Variants in NAALADL2 observed in about 807,000 individuals in gnomAD.
NAALADL2 encodes the protein inactive N-acetylated-alpha-linked acidic dipeptidase-like protein 2.
In NAALADL2, 76 loss-of-function variants were observed where a neutral mutation model predicts 87.2. The observed-to-expected ratio is 0.87, with a 90% CI of 0.72 to 1.05. NAALADL2 has a LOEUF of 1.05. Among genes scored for constraint, NAALADL2 ranks in the 50% least tolerant of loss-of-function variants. NAALADL2 has a pLI of 0.00. For missense variants in NAALADL2, 1,089 were observed against 945.8 expected, an observed-to-expected ratio of 1.15 and a Z score of -1.99; for synonymous variants, 354 against 331.0, an observed-to-expected ratio of 1.07 and a Z score of -0.75.
chr3:174,832,658 G>C (rs1057422295), intron 3 of NAALADL2, among the ~76,000 whole-genome samples: 1 of 152,118 alleles, frequency 6.6e-6, no homozygotes, highest in East Asian at 1.9e-4. Flanking sequence ...AGTAGAGACA[G>C]GGTTTCACCG....
At chr3:174,669,402 A>G (rs1726304280) in intron 2 of NAALADL2, among the ~76,000 whole-genome samples, 1 of 152,090 alleles carries the variant, frequency 6.6e-6, no homozygotes, top group Non-Finnish European at 1.5e-5. Context: ...TAATCCATTT[A>G]GAGTCCAATT....
chr3:174,668,109 A>G (rs2108794718), intron 2 of NAALADL2, among the ~76,000 whole-genome samples: 1 of 152,132 alleles, frequency 6.6e-6, no homozygotes, highest in South Asian at 2.1e-4. Context: ...GCATTTCTGT[A>G]ATGATTAGTA....
chr3:174,825,530 C>G (rs944586059), intron 3 of NAALADL2, among the ~76,000 whole-genome samples: 1 of 152,160 alleles, frequency 6.6e-6, no homozygotes, highest in Non-Finnish European at 1.5e-5. Flanking sequence ...TGTACTGATA[C>G]AAATGCCAGT....
intron 3 of NAALADL2, among the ~76,000 whole-genome samples, chr3:174,831,842 T>C (rs1722737858): frequency 6.6e-6 from 1 of 150,496 alleles, no homozygotes; most frequent in Non-Finnish European, 1.5e-5. Flanking sequence ...CTTGGGAGAG[T>C]GTATGTGTCG....
chr3:174,700,838 G>A (rs2108881959), intron 2 of NAALADL2, among the ~76,000 whole-genome samples: 1 of 152,296 alleles, frequency 6.6e-6, no homozygotes, highest in Middle Eastern at 3.4e-3. Context: ...TATAAGTGAT[G>A]GCTTCCCTGA....
At chr3:174,926,940 T>C (rs941507293) in intron 1 of NAALADL2, among the ~76,000 whole-genome samples, 1 of 151,398 alleles carries the variant, frequency 6.6e-6, no homozygotes, top group Admixed American at 6.6e-5. Context: ...GACTCACCAG[T>C]GTGCTGTATT....
chr3:174,707,285 C>T lies in NAALADL2; in HGVS notation c.-114-30356C>T, dbSNP rs1439489783. On this transcript the variant is annotated intron_variant, in intron 2 of 3. Coordinates refer to the NAALADL2 transcript ENST00000434257. Reference sequence around the variant, plus strand: ...AGAAATACCATTTGACCCACCAATCCCCATTACTGGGTATATACCTGAAGG... The same window carrying T: ...AGAAATACCATTTGACCCACCAATCTCCATTACTGGGTATATACCTGAAGG... Among the ~76,000 whole-genome samples the T allele has an allele frequency of 0.026, 3 of 116 alleles. No individual in the cohort carries two copies. The East Asian group carries it at 0.3, about 12-fold the overall frequency. 0.1% of individuals were successfully genotyped at this position (116 alleles called of 152,430 possible).
At chr3:174,836,234 C>CA (rs1366279599) in intron 3 of NAALADL2, among the ~76,000 whole-genome samples, 1 of 151,882 alleles carries the variant, frequency 6.6e-6, no homozygotes, top group African/African-American at 2.4e-5. Context: ...AAGCTAGTCG[C>CA]AAAAAATAGC....
intron 3 of NAALADL2, among the ~76,000 whole-genome samples, chr3:174,817,293 A>C (rs1024891325): frequency 3.9e-5 from 6 of 152,198 alleles, no homozygotes; most frequent in African/African-American, 1.4e-4. Context: ...AAAGTATGAT[A>C]ATTTGATTTT....
intron 2 of NAALADL2, among the ~76,000 whole-genome samples, chr3:174,717,767 A>AT (rs930497747): frequency 2.6e-5 from 4 of 151,512 alleles, no homozygotes; most frequent in Non-Finnish European, 4.4e-5. Flanking sequence ...TAGGAATTGT[A>AT]TTTTTTTTTC....
At chr3:175,454,417 T>C (rs1722028600) in intron 6 of NAALADL2, among the ~76,000 whole-genome samples, 1 of 152,058 alleles carries the variant, frequency 6.6e-6, no homozygotes, top group South Asian at 2.1e-4. Context: ...TTCTTTGCAG[T>C]CTCTTGGGAG....
chr3:174,899,471 C>T (rs1208858375), intron 1 of NAALADL2, among the ~76,000 whole-genome samples: 7 of 152,096 alleles, frequency 4.6e-5, no homozygotes, highest in Non-Finnish European at 1.0e-4. Context: ...AGTAAGTTCT[C>T]TTGAGATCTG....
intron 1 of NAALADL2, among the ~76,000 whole-genome samples, chr3:174,487,726 A>G (rs538214941): frequency 2.6e-5 from 4 of 151,566 alleles, no homozygotes; most frequent in Non-Finnish European, 5.9e-5. Context: ...AGTAAGTAGT[A>G]CAGATTGCTT....
intron 4 of NAALADL2, among the ~76,000 whole-genome samples, chr3:175,290,142 A>G (rs1054113590): frequency 6.6e-6 from 1 of 152,178 alleles, no homozygotes; most frequent in Non-Finnish European, 1.5e-5. Context: ...TTTGTAAAAC[A>G]GTTTGGCAAT....
At chr3:175,644,941 TA>T (rs1395345322) in intron 11 of NAALADL2, among the ~76,000 whole-genome samples, 1 of 152,188 alleles carries the variant, frequency 6.6e-6, no homozygotes, top group East Asian at 1.9e-4. Context: ...AATATCCTTA[TA>T]AGTCATCCTT....
intron 5 of NAALADL2, among the ~76,000 whole-genome samples, chr3:175,397,639 T>C (rs1769981444): frequency 6.6e-6 from 1 of 152,266 alleles, no homozygotes; most frequent in Admixed American, 6.5e-5. Context: ...CATTAAAACA[T>C]GAAGCGAGTG....
chr3:174,870,601 A>C (rs932383935), intron 1 of NAALADL2, among the ~76,000 whole-genome samples: 2 of 151,700 alleles, frequency 1.3e-5, no homozygotes, highest in African/African-American at 2.4e-5. Flanking sequence ...ATAAAAAAAA[A>C]ACACAATTAG....
chr3:175,590,757 A>G (rs4624571), intron 10 of NAALADL2, among the ~76,000 whole-genome samples: 134,503 of 152,080 alleles, frequency 0.88, 59,771 homozygotes, highest in Admixed American at 0.94. Context: ...CCTTCAACAA[A>G]GTCATAGAAG....
chr3:174,733,026 G>A (rs1044080265), intron 2 of NAALADL2, among the ~76,000 whole-genome samples: 10 of 152,094 alleles, frequency 6.6e-5, no homozygotes, highest in Non-Finnish European at 1.2e-4. Flanking sequence ...AAAAGTCTAT[G>A]TATAGAGAAA....
Sources: gnomAD v4.1 joint callset for allele counts (sites outside exome capture counted in the v4.1 genomes callset) on GRCh38, gnomAD v4.1.1 for gene constraint, MANE v1.5 for transcripts, NCBI Gene and HGNC (gene_info 2026-07-23, HGNC 2026-07-21) for gene names.